RBFOX1: variants seen among roughly 807,000 people sequenced by gnomAD.
RBFOX1 encodes RNA binding fox-1 homolog 1.
RBFOX1 carries 8 observed loss-of-function variants against 57.7 expected under a neutral mutation model. That is an observed-to-expected ratio of 0.14 (90% CI 0.08 to 0.25). The LOEUF is 0.25. RBFOX1 is among the 10% of genes least tolerant of loss of function. The pLI is 1.00. For synonymous variants in RBFOX1, 326 were observed against 222.4 expected (o/e 1.47, Z -4.15); for missense variants, 611 against 548.5 (o/e 1.11, Z -1.14).
chr16:5,600,312 A>T (rs1023955434), downstream of RBFOX1, among the ~76,000 whole-genome samples: 9 of 151,384 alleles, frequency 5.9e-5, no homozygotes, highest in Non-Finnish European at 1.3e-4. Flanking sequence ...AAAATAAAAA[A>T]AAATAAAAAA....
intron 1 of RBFOX1, among the ~76,000 whole-genome samples, chr16:5,272,677 C>T (rs982518558): frequency 6.6e-6 from 1 of 152,166 alleles, no homozygotes; most frequent in Non-Finnish European, 1.5e-5. Flanking sequence ...GATGTGGGGC[C>T]ATGGAAAGGT....
At chr16:7,071,482 G>A (rs2057323002) in intron 4 of RBFOX1, among the ~76,000 whole-genome samples, 1 of 151,852 alleles carries the variant, frequency 6.6e-6, no homozygotes, top group Non-Finnish European at 1.5e-5. Context: ...TATATTTTAT[G>A]TATCTGCTAA....
In RBFOX1 at chr16:6,551,913, G is replaced by C. The variant is rs200028952; in HGVS notation, c.-63-102690G>C. ...TCAGCTCAGTGTCCTTCAGGATCCA[G>C]TCTACTCTTTAAATTTTTGAGAGTT... On this transcript the variant is annotated intron_variant, in intron 2 of 15. Transcript: ENST00000550418. Among the ~76,000 whole-genome samples the C allele has an allele frequency of 3.3e-5, 5 of 152,176 alleles. No homozygotes were observed. The East Asian group carries it at 9.6e-4, about 29-fold the overall frequency.
At chr16:7,196,594 G>A (rs1254105743) in intron 4 of RBFOX1, among the ~76,000 whole-genome samples, 3 of 152,142 alleles carry the variant, frequency 2.0e-5, no homozygotes, top group Admixed American at 6.5e-5. Flanking sequence ...ATTTTTATTC[G>A]CATTTTTTAG....
intron 1 of RBFOX1, among the ~76,000 whole-genome samples, chr16:6,041,914 C>T (rs950933075): frequency 6.6e-6 from 1 of 152,074 alleles, no homozygotes; most frequent in Non-Finnish European, 1.5e-5. Flanking sequence ...TTCTCACTTG[C>T]AATCATCAGG....
At chr16:7,037,611 C>T (rs911363296) in intron 3 of RBFOX1, among the ~76,000 whole-genome samples, 5 of 152,288 alleles carry the variant, frequency 3.3e-5, no homozygotes, top group East Asian at 3.9e-4. Flanking sequence ...TGAAAAGGCA[C>T]GTTATATAGT....
intron 4 of RBFOX1, among the ~76,000 whole-genome samples, chr16:7,328,292 C>G (rs1042811857): frequency 6.6e-6 from 1 of 151,858 alleles, no homozygotes; most frequent in Non-Finnish European, 1.5e-5. Context: ...CAATCCTGGC[C>G]AACGTGGTGA....
At chr16:5,444,648 T>C (rs1380482516) in intron 1 of RBFOX1, among the ~76,000 whole-genome samples, 1 of 152,046 alleles carries the variant, frequency 6.6e-6, no homozygotes, top group African/African-American at 2.4e-5. Flanking sequence ...GGCATGGCTA[T>C]ACAGAATGGC....
intron 2 of RBFOX1, among the ~76,000 whole-genome samples, chr16:6,448,295 G>T (rs2094528298): frequency 6.6e-6 from 1 of 151,094 alleles, no homozygotes; most frequent in South Asian, 2.1e-4. Flanking sequence ...AAGTAGCTGG[G>T]ATTACAGGTG....
intron 4 of RBFOX1, among the ~76,000 whole-genome samples, chr16:5,957,853 C>A (rs2059676597): frequency 6.6e-6 from 1 of 152,036 alleles, no homozygotes; most frequent in Non-Finnish European, 1.5e-5. Flanking sequence ...TGGAAATGTA[C>A]AATTAATTTA....
chr16:7,337,133 A>G lies in RBFOX1; in HGVS notation c.28-181014A>G, dbSNP rs145986969. Among the ~76,000 whole-genome samples, 286 of 152,254 alleles carry G rather than the reference A, an allele frequency of 1.9e-3. 1 individual carries two copies. The highest frequency in any genetic ancestry group is 6.3e-3 in the African/African-American group (260 of 41,534). The stretch of plus-strand genomic sequence containing the variant: ...TTTGCCTATGGAGAACCTAAAACCT[A>G]CACTTAGACAAAGCTAGGTAGCCCA... On this transcript the variant is annotated intron_variant, in intron 4 of 15. Coordinates refer to ENST00000550418, the MANE Select transcript of RBFOX1 (RefSeq NM_018723.4).
At chr16:5,777,748 G>C (rs1226149733) in intron 3 of RBFOX1, among the ~76,000 whole-genome samples, 1 of 152,106 alleles carries the variant, frequency 6.6e-6, no homozygotes, top group Non-Finnish European at 1.5e-5. Context: ...AATTGTTAAA[G>C]GCTACTTCTT....
At position 6,410,558 on chromosome 16, in the gene RBFOX1, G is replaced by A. The variant is rs187405219; in HGVS notation, c.-64+93501G>A. On this transcript the variant is annotated intron_variant, in intron 2 of 15. Transcript: ENST00000550418. ...GATCTCCTGACCTCATGATCCACCCGCCTCTGCCTCCCAAAGTGCTGGGAT... is the reference window on the plus strand; with the variant it reads ...GATCTCCTGACCTCATGATCCACCCACCTCTGCCTCCCAAAGTGCTGGGAT... Among the ~76,000 whole-genome samples the A allele has an allele frequency of 1.4e-3, 220 of 152,072 alleles. 1 individual carries two copies. The highest frequency in any genetic ancestry group is 3.7e-3 in the African/African-American group (152 of 41,514).
chr16:6,948,669 A>T (rs1415828334), intron 3 of RBFOX1, among the ~76,000 whole-genome samples: 1 of 152,064 alleles, frequency 6.6e-6, no homozygotes, highest in South Asian at 2.1e-4. Context: ...AGCGTGAGCC[A>T]CCACGCCTGG....
chr16:6,946,287 A>T (rs2079501679), intron 3 of RBFOX1, among the ~76,000 whole-genome samples: 1 of 152,230 alleles, frequency 6.6e-6, no homozygotes, highest in Non-Finnish European at 1.5e-5. Flanking sequence ...ACAATAACAT[A>T]TGGGTGTGGC....
intron 1 of RBFOX1, among the ~76,000 whole-genome samples, chr16:5,356,472 C>T (rs1432987330): frequency 6.6e-6 from 1 of 152,154 alleles, no homozygotes; most frequent in Middle Eastern, 3.2e-3. Flanking sequence ...TTCAAGTCGC[C>T]TTGAGGACCA....
chr16:6,782,041 T>A (rs2081107831), intron 3 of RBFOX1, among the ~76,000 whole-genome samples: 3 of 152,124 alleles, frequency 2.0e-5, no homozygotes, highest in Admixed American at 1.3e-4. Context: ...GGAGCCTTGC[T>A]CTGTCACTGG....
chr16:5,810,040 T>A (rs997940879), intron 3 of RBFOX1, among the ~76,000 whole-genome samples: 2 of 151,952 alleles, frequency 1.3e-5, no homozygotes, highest in Admixed American at 6.6e-5. Context: ...ATGGATGAAA[T>A]TGGAAATCAT....
At chr16:5,705,671 G>A (rs2051217815) in intron 3 of RBFOX1, among the ~76,000 whole-genome samples, 1 of 152,212 alleles carries the variant, frequency 6.6e-6, no homozygotes, top group Non-Finnish European at 1.5e-5. Flanking sequence ...AGGAGAGAAA[G>A]AGATGAGACC....
Sources: allele counts gnomAD v4.1 joint callset (sites outside exome capture counted in the v4.1 genomes callset), GRCh38; gene constraint gnomAD v4.1.1; transcripts MANE v1.5; gene names NCBI Gene and HGNC (gene_info 2026-07-23, HGNC 2026-07-21).